Variants in SUGCT observed in about 807,000 individuals in gnomAD.
SUGCT encodes succinyl-CoA:glutarate CoA-transferase.
SUGCT carries 41 observed loss-of-function variants against 55.0 expected under a neutral mutation model. The observed-to-expected ratio is 0.74, with a 90% CI of 0.58 to 0.97. The LOEUF (loss-of-function observed/expected upper bound fraction) is 0.97, where lower values mean the gene tolerates loss of function less well. SUGCT is among the 50% of genes least tolerant of loss of function. SUGCT has a pLI of 0.00. For synonymous variants in SUGCT, 187 were observed against 200.4 expected (o/e 0.93, Z 0.56); for missense variants, 568 against 547.8 (o/e 1.04, Z -0.37).
intron 7 of SUGCT, among the ~76,000 whole-genome samples, chr7:40,259,089 C>G (rs1377358064): frequency 6.6e-6 from 1 of 152,136 alleles, no homozygotes; most frequent in Non-Finnish European, 1.5e-5. Context: ...CATGACCTCA[C>G]TTATATATGG....
At chr7:40,851,786 A>G (rs1793866794) in intron 13 of SUGCT, among the ~76,000 whole-genome samples, 1 of 152,264 alleles carries the variant, frequency 6.6e-6, no homozygotes, top group Non-Finnish European at 1.5e-5. Context: ...AAATGCACTT[A>G]TCTCCAAAAT....
At chr7:40,349,106 T>A (rs1354845371) in intron 9 of SUGCT, among the ~76,000 whole-genome samples, 1 of 152,206 alleles carries the variant, frequency 6.6e-6, no homozygotes, top group Non-Finnish European at 1.5e-5. Context: ...GTATATTGGC[T>A]GATGTTTGCT....
At chr7:40,884,876 G>A in the SUGCT span, among the ~76,000 whole-genome samples, 7 of 152,188 alleles carry the variant, frequency 4.6e-5, no homozygotes, top group African/African-American at 1.4e-4. Context: ...CTGCCCCAAA[G>A]GGAATCTTTC....
At chr7:40,346,838 G>A (rs1797340196) in intron 9 of SUGCT, among the ~76,000 whole-genome samples, 1 of 152,172 alleles carries the variant, frequency 6.6e-6, no homozygotes, top group Admixed American at 6.5e-5. Context: ...CTGAGGAAAG[G>A]CCATTTAGGG....
rs146133245 is a variant in SUGCT at position 40,706,695 on chromosome 7, G to A, written c.1090-42739G>A. 8.1e-4 allele frequency among the ~76,000 whole-genome samples: 123 copies of A among 152,300 alleles called. No homozygotes were observed. The East Asian group carries it at 0.011, about 13-fold the overall frequency. On this transcript the variant is annotated intron_variant, in intron 12 of 13. Transcript: ENST00000335693. The stretch of plus-strand genomic sequence containing the variant: ...CAGCAACTTTCTAGAGGCTGCTCTG[G>A]TGTGGGGACAGCCAGCCTTGTTCCC...
At chr7:40,660,604 T>C (rs1217477738) in intron 12 of SUGCT, among the ~76,000 whole-genome samples, 5 of 152,168 alleles carry the variant, frequency 3.3e-5, no homozygotes, top group African/African-American at 1.2e-4. Context: ...TCATCAGTTC[T>C]CAGACCTCTT....
intron 12 of SUGCT, among the ~76,000 whole-genome samples, chr7:40,609,667 AT>A (rs1203610459): frequency 6.6e-6 from 1 of 152,228 alleles, no homozygotes; most frequent in African/African-American, 2.4e-5. Context: ...TCTTAAAAAA[AT>A]AACAGCAAAA....
intron 12 of SUGCT, among the ~76,000 whole-genome samples, chr7:40,655,899 A>G (rs557435060): frequency 6.6e-6 from 1 of 152,200 alleles, no homozygotes; most frequent in African/African-American, 2.4e-5. Flanking sequence ...GTTGTAGGCT[A>G]TATTGAGCTT....
chr7:40,647,722 G>A (rs145858307), intron 12 of SUGCT, among the ~76,000 whole-genome samples: 136 of 152,008 alleles, frequency 8.9e-4, no homozygotes, highest in African/African-American at 3.1e-3. Flanking sequence ...ATGGGGGTGG[G>A]CACCTGTAAT....
chr7:40,684,550 G>T (rs1247623961), intron 12 of SUGCT, among the ~76,000 whole-genome samples: 2 of 152,162 alleles, frequency 1.3e-5, no homozygotes, highest in Non-Finnish European at 2.9e-5. Flanking sequence ...GGAAAACTCT[G>T]AAAGTTATTT....
At chr7:40,244,304 C>G (rs1326604232) in intron 7 of SUGCT, among the ~76,000 whole-genome samples, 1 of 152,098 alleles carries the variant, frequency 6.6e-6, no homozygotes, top group Non-Finnish European at 1.5e-5. Context: ...TAAGACATTC[C>G]TAGACATTCC....
At position 40,274,510 on chromosome 7, in the gene SUGCT, C is replaced by T. The variant is rs758678875; in HGVS notation, c.577-3C>T. 1 of 1,610,110 alleles carries T rather than the reference C, an allele frequency of 6.2e-7. No individual in the cohort carries two copies. Among genetic ancestry groups the T allele is most frequent in the South Asian group, 1.1e-5 (1 of 89,550 alleles). On this transcript the variant is annotated splice_polypyrimidine_tract_variant and splice_region_variant and intron_variant, in intron 7 of 13. Transcript: ENST00000335693. ...TTCTTTCTCAACCCAACCTTCAAAT[C>T]AGAATGGAGATCCAGTTCGCCCAGG...
intron 9 of SUGCT, among the ~76,000 whole-genome samples, chr7:40,367,076 T>C (rs1487006777): frequency 6.6e-6 from 1 of 152,190 alleles, no homozygotes; most frequent in East Asian, 1.9e-4. Flanking sequence ...CATGGAATAC[T>C]ATGCAGCCAT....
At chr7:40,899,559 A>G in the SUGCT span, among the ~76,000 whole-genome samples, 1 of 152,192 alleles carries the variant, frequency 6.6e-6, no homozygotes, top group South Asian at 2.1e-4. Flanking sequence ...AGACGGCATT[A>G]TGAGTATTCC....
intron 6 of SUGCT, among the ~76,000 whole-genome samples, chr7:40,206,965 G>A (rs1787010217): frequency 6.6e-6 from 1 of 152,008 alleles, no homozygotes; most frequent in African/African-American, 2.4e-5. Context: ...TTTGGAGGCT[G>A]AGGCAGGAGG....
intron 12 of SUGCT, among the ~76,000 whole-genome samples, chr7:40,534,135 T>C (rs563569925): frequency 5.5e-4 from 84 of 152,324 alleles, no homozygotes; most frequent in African/African-American, 1.9e-3. Context: ...CTATTTGTGA[T>C]GATCTTACTA....
At chr7:40,917,987 T>A in the SUGCT span, among the ~76,000 whole-genome samples, 3 of 152,064 alleles carry the variant, frequency 2.0e-5, no homozygotes, top group Admixed American at 1.3e-4. Flanking sequence ...CTCATCCACA[T>A]CCTGAAGGCC....
At chr7:40,994,739 G>A in the SUGCT span, among the ~76,000 whole-genome samples, 1 of 152,126 alleles carries the variant, frequency 6.6e-6, no homozygotes, top group South Asian at 2.1e-4. Flanking sequence ...GTGACTGGGA[G>A]GTGATTATGG....
intron 13 of SUGCT, chr7:40,775,577 G>T (rs983807640): frequency 3.9e-5 from 6 of 152,172 alleles, no homozygotes; most frequent in Non-Finnish European, 7.3e-5. Flanking sequence ...GAAAATTAAG[G>T]TTCAGGTCAA....
Sources: gnomAD v4.1 joint callset for allele counts (sites outside exome capture counted in the v4.1 genomes callset) on GRCh38, gnomAD v4.1.1 for gene constraint, MANE v1.5 for transcripts, NCBI Gene and HGNC (gene_info 2026-07-23, HGNC 2026-07-21) for gene names.